SLC4A4: variants seen among roughly 807,000 people sequenced by gnomAD.
SLC4A4 encodes the protein electrogenic sodium bicarbonate cotransporter 1.
In SLC4A4, 27 loss-of-function variants were observed where a neutral mutation model predicts 111.5. That is an observed-to-expected ratio of 0.24 (90% CI 0.18 to 0.33). The LOEUF is 0.33. Among genes scored for constraint, SLC4A4 ranks in the 10% least tolerant of loss-of-function variants. SLC4A4 has a pLI of 1.00. For missense variants in SLC4A4, 909 were observed against 1,315.5 expected (o/e 0.69, Z 4.78); for synonymous variants, 443 against 463.4 (o/e 0.96, Z 0.57).
At chr4:71,077,322 G>A (rs538989237) in intron 1 of SLC4A4, among the ~76,000 whole-genome samples, 24 of 151,908 alleles carry the variant, frequency 1.6e-4, no homozygotes, top group East Asian at 5.8e-4. Context: ...CCCCATGCTC[G>A]GCTAATTTTT....
intron 6 of SLC4A4, among the ~76,000 whole-genome samples, chr4:71,395,836 T>A (rs1560470059): frequency 6.6e-6 from 1 of 152,226 alleles, no homozygotes; most frequent in African/African-American, 2.4e-5. Flanking sequence ...AAATTTATCT[T>A]ACCTATTTAT....
chr4:71,086,615 G>A (rs184466720), intron 1 of SLC4A4, among the ~76,000 whole-genome samples: 9 of 152,118 alleles, frequency 5.9e-5, no homozygotes, highest in Middle Eastern at 3.4e-3. Flanking sequence ...TTAGCATGAA[G>A]GGTTGTTGAA....
At chr4:71,247,348 A>G (rs1720750778) in intron 2 of SLC4A4, among the ~76,000 whole-genome samples, 1 of 148,392 alleles carries the variant, frequency 6.7e-6, no homozygotes, top group East Asian at 1.9e-4. Context: ...AACATATATT[A>G]AAATATATAA....
intron 18 of SLC4A4, among the ~76,000 whole-genome samples, chr4:71,540,679 T>C (rs1428034647): frequency 1.3e-5 from 2 of 152,082 alleles, no homozygotes; most frequent in African/African-American, 4.8e-5. Flanking sequence ...AACACCAAGG[T>C]TGGAATTGAC....
intron 1 of SLC4A4, among the ~76,000 whole-genome samples, chr4:71,064,367 C>T (rs1281506534): frequency 6.6e-6 from 1 of 152,282 alleles, no homozygotes; most frequent in African/African-American, 2.4e-5. Context: ...ATGTATAATT[C>T]CAATTACAGC....
intron 12 of SLC4A4, among the ~76,000 whole-genome samples, chr4:71,465,162 A>G (rs1727196282): frequency 6.6e-6 from 1 of 152,014 alleles, no homozygotes; most frequent in South Asian, 2.1e-4. Flanking sequence ...ATGTGGCATA[A>G]ATCATACTTC....
intron 3 of SLC4A4, among the ~76,000 whole-genome samples, chr4:71,294,229 G>A (rs1724601446): frequency 6.6e-6 from 1 of 152,194 alleles, no homozygotes; most frequent in African/African-American, 2.4e-5. Context: ...AGTTAAGAAA[G>A]GTGTCTTCTG....
At chr4:71,174,846 A>G (rs149570195) in intron 2 of SLC4A4, among the ~76,000 whole-genome samples, 103 of 152,322 alleles carry the variant, frequency 6.8e-4, no homozygotes, top group African/African-American at 2.4e-3. Flanking sequence ...AGCAATCCTC[A>G]TGCTTCAACC....
intron 22 of SLC4A4, among the ~76,000 whole-genome samples, chr4:71,559,350 G>A (rs552588501): frequency 2.6e-5 from 4 of 151,944 alleles, no homozygotes; most frequent in Admixed American, 2.6e-4. Context: ...TGTTTTGGAA[G>A]CAGACAACTG....
intron 6 of SLC4A4, among the ~76,000 whole-genome samples, chr4:71,358,739 A>G (rs1041048646): frequency 1.3e-5 from 2 of 151,592 alleles, no homozygotes; most frequent in East Asian, 1.9e-4. Flanking sequence ...GTGTTTTTGG[A>G]AAGAGGGGTT....
At chr4:71,088,773 A>C (rs567264783) in intron 1 of SLC4A4, among the ~76,000 whole-genome samples, 58 of 152,062 alleles carry the variant, frequency 3.8e-4, no homozygotes, top group African/African-American at 1.2e-3. Flanking sequence ...CCGAGAGATC[A>C]GCTGTTAGTC....
At chr4:71,433,768 A>G (rs1389142838) in intron 7 of SLC4A4, among the ~76,000 whole-genome samples, 2 of 152,116 alleles carry the variant, frequency 1.3e-5, no homozygotes, top group Non-Finnish European at 2.9e-5. Flanking sequence ...TACATATTAA[A>G]CAATCTCAAA....
At chr4:71,523,251 A>G (rs943124900) in intron 16 of SLC4A4, among the ~76,000 whole-genome samples, 1 of 152,190 alleles carries the variant, frequency 6.6e-6, no homozygotes, top group Non-Finnish European at 1.5e-5. Context: ...CGACTCTGCT[A>G]TCACTAAAGG....
chr4:71,255,273 A>G lies in SLC4A4; in HGVS notation c.127A>G (p.Arg43Gly). The change falls in exon 3 of 26, where the codon AGA becomes GGA. Residue 43 changes from arginine (R) to glycine (G), a missense_variant. Transcript: ENST00000264485. ...TGTGCCGAAGAGTTACAGGAGAAGG[A>G]GACGTCACAAGAGAAAGACAGGGCA... The part of the protein sequence containing the change: ...VHVPKSYRRR[R>G]RHKRKTGHKE... 1 of 1,613,496 alleles carries G rather than the reference A, an allele frequency of 6.2e-7. No individual in the cohort carries two copies. Among genetic ancestry groups the G allele is most frequent in the Non-Finnish European group, 8.5e-7 (1 of 1,179,512 alleles).
At chr4:71,560,329 A>C (rs1176229175) in intron 23 of SLC4A4, 75 bp downstream of exon 23, 3 of 1,480,362 alleles carry the variant, frequency 2.0e-6, no homozygotes, top group African/African-American at 1.4e-5. Flanking sequence ...TTTATACCTG[A>C]TGTGAAATGG....
chr4:71,193,729 C>T (rs1433320557), intron 1 of SLC4A4, among the ~76,000 whole-genome samples: 3 of 152,068 alleles, frequency 2.0e-5, no homozygotes, highest in Non-Finnish European at 2.9e-5. Flanking sequence ...TACACTTTTT[C>T]GTAAAGTACT....
chr4:71,257,123 A>G (rs1038982080), intron 3 of SLC4A4, among the ~76,000 whole-genome samples: 4 of 152,238 alleles, frequency 2.6e-5, no homozygotes, highest in African/African-American at 7.2e-5. Context: ...TGTATCAACC[A>G]TAGAATACTG....
At chr4:71,267,190 CA>C (rs940598587) in intron 3 of SLC4A4, among the ~76,000 whole-genome samples, 1 of 152,004 alleles carries the variant, frequency 6.6e-6, no homozygotes, top group African/African-American at 2.4e-5. Flanking sequence ...AATACCCATA[CA>C]AAAAAATGTT....
intron 2 of SLC4A4, among the ~76,000 whole-genome samples, chr4:71,108,507 A>G (rs1743002985): frequency 6.6e-6 from 1 of 152,206 alleles, no homozygotes; most frequent in Non-Finnish European, 1.5e-5. Context: ...AAATATGCTG[A>G]TAATTGTATT....
Sources: gnomAD v4.1 joint callset for allele counts (sites outside exome capture counted in the v4.1 genomes callset) on GRCh38, gnomAD v4.1.1 for gene constraint, MANE v1.5 for transcripts, NCBI Gene and HGNC (gene_info 2026-07-23, HGNC 2026-07-21) for gene names.